STXBP5L: variants seen among roughly 807,000 people sequenced by gnomAD.
STXBP5L encodes syntaxin binding protein 5L.
Under a neutral mutation model 144.5 loss-of-function variants are expected in STXBP5L, and 65 were observed. The ratio of observed to expected loss-of-function variants is 0.45; its 90% CI spans 0.37 to 0.55. STXBP5L has a LOEUF of 0.55. STXBP5L is among the 20% of genes least tolerant of loss of function. The pLI is 0.00. For missense variants in STXBP5L, 1,298 were observed against 1,405.5 expected (o/e 0.92, Z 1.22); for synonymous variants, 505 against 469.6 (o/e 1.08, Z -0.97).
chr3:121,070,687 A>G (rs2041770856), intron 5 of STXBP5L, among the ~76,000 whole-genome samples: 1 of 152,130 alleles, frequency 6.6e-6, no homozygotes, highest in Non-Finnish European at 1.5e-5. Flanking sequence ...CACGACCCGA[A>G]TAATGGCTCT....
intron 7 of STXBP5L, among the ~76,000 whole-genome samples, chr3:121,135,551 CACAAGGAGCATGCAACCTA>C: frequency 6.6e-6 from 1 of 152,158 alleles, no homozygotes; most frequent in Non-Finnish European, 1.5e-5. Context: ...ATTAGATACT[CACAAGGAGCATGCAACCTA>C]GATCCCTTGC....
At chr3:121,020,266 G>A (rs1028296949) in intron 3 of STXBP5L, among the ~76,000 whole-genome samples, 1 of 152,124 alleles carries the variant, frequency 6.6e-6, no homozygotes, top group Non-Finnish European at 1.5e-5. Flanking sequence ...CGTTTGGGAT[G>A]TTAAATGGTC....
At chr3:121,051,538 C>T (rs4630876) in intron 5 of STXBP5L, among the ~76,000 whole-genome samples, 32,473 of 151,898 alleles carry the variant, frequency 0.21, 3,697 homozygotes, top group Non-Finnish European at 0.26. Context: ...TTGAAACCAA[C>T]GAAAACAAAG....
intron 18 of STXBP5L, among the ~76,000 whole-genome samples, chr3:121,273,336 C>T (rs907359129): frequency 5.3e-5 from 8 of 151,158 alleles, no homozygotes; most frequent in African/African-American, 1.9e-4. Flanking sequence ...AATAAATCAT[C>T]CCATTCTCTG....
At chr3:120,965,387 T>G (rs1426688803) in intron 3 of STXBP5L, among the ~76,000 whole-genome samples, 1 of 152,204 alleles carries the variant, frequency 6.6e-6, no homozygotes, top group Non-Finnish European at 1.5e-5. Context: ...GTCTTTATAA[T>G]TTGGCCTGTT....
intron 5 of STXBP5L, among the ~76,000 whole-genome samples, chr3:121,102,211 A>G (rs2043463473): frequency 6.6e-6 from 1 of 152,062 alleles, no homozygotes; most frequent in Non-Finnish European, 1.5e-5. Flanking sequence ...GAAAAAAACT[A>G]TTATAAATTC....
intron 15 of STXBP5L, among the ~76,000 whole-genome samples, chr3:121,253,620 C>T (rs1026151741): frequency 2.8e-4 from 41 of 147,382 alleles, no homozygotes; most frequent in African/African-American, 9.8e-4. Flanking sequence ...TGTATATATA[C>T]ACATAAATAT....
intron 22 of STXBP5L, among the ~76,000 whole-genome samples, chr3:121,405,531 T>G (rs2046977032): frequency 6.6e-6 from 1 of 152,124 alleles, no homozygotes; most frequent in African/African-American, 2.4e-5. Flanking sequence ...TCGGCAAGGC[T>G]GGTGATTTGG....
chr3:120,987,276 C>A (rs146311276), intron 3 of STXBP5L, among the ~76,000 whole-genome samples: 1 of 151,880 alleles, frequency 6.6e-6, no homozygotes, highest in Non-Finnish European at 1.5e-5. Context: ...ACATTATTAC[C>A]AGAATATTGT....
intron 8 of STXBP5L, among the ~76,000 whole-genome samples, chr3:121,153,874 A>G (rs1201513290): frequency 6.6e-6 from 1 of 151,954 alleles, no homozygotes. Context: ...GAGCTAAGCT[A>G]GGAGTTTCCT....
At chr3:121,119,001 A>C (rs2044345161) in intron 6 of STXBP5L, among the ~76,000 whole-genome samples, 1 of 151,546 alleles carries the variant, frequency 6.6e-6, no homozygotes, top group African/African-American at 2.4e-5. Context: ...ATCAGAATTT[A>C]CTGGGTTGTT....
In STXBP5L at chr3:121,152,540, C is replaced by G. The variant is rs1394401226; in HGVS notation, c.733C>G (p.Leu245Val). 3 of 1,606,980 alleles carry G rather than the reference C, an allele frequency of 1.9e-6. No homozygotes were observed. In the African/African-American group the frequency reaches 4.0e-5, roughly 22 times the overall value. The change falls in exon 8 of 27, where the codon CTG becomes GTG. Residue 245 changes from leucine to valine, a missense_variant. Transcript: ENST00000471454. ...FWDLKSKRAE[L>V]RVYYDEAIHS... ...GGACTTGAAATCTAAAAGAGCAGAA[C>G]TGAGAGTTTATTATGATGAGGTAAG...
At chr3:121,407,128 A>G (rs141912480) in intron 22 of STXBP5L, 115 bp from the exon 23 acceptor site, 22 of 1,279,814 alleles carry the variant, frequency 1.7e-5, no homozygotes, top group Middle Eastern at 2.0e-4. Flanking sequence ...ATTCATATAC[A>G]TTAGGGCAAT....
chr3:121,312,560 A>G lies in STXBP5L; in HGVS notation c.2111-5915A>G, dbSNP rs1183928042. Among the ~76,000 whole-genome samples the G allele has an allele frequency of 2.1e-5, 3 of 146,116 alleles. No individual in the cohort carries two copies. The Admixed American group carries it at 2.1e-4, about 10-fold the overall frequency. The stretch of plus-strand genomic sequence containing the variant: ...TAGTGGAGGGAAGGTCAGCAGATAA[A>G]CAAGTGAACAAAGGTCTCTGGTTTT... On this transcript the variant is annotated intron_variant, in intron 19 of 26. Transcript: ENST00000471454.
chr3:121,055,157 A>G (rs796532483), intron 5 of STXBP5L, among the ~76,000 whole-genome samples: 1 of 152,214 alleles, frequency 6.6e-6, no homozygotes, highest in Admixed American at 6.5e-5. Flanking sequence ...ATCTCTTAAG[A>G]AAGATACATA....
At chr3:121,266,547 T>C (rs1021763706) in intron 18 of STXBP5L, among the ~76,000 whole-genome samples, 7 of 152,110 alleles carry the variant, frequency 4.6e-5, no homozygotes, top group African/African-American at 1.7e-4. Flanking sequence ...CTGGGAGCAT[T>C]CCCTTTGAAA....
At chr3:120,961,959 T>C (rs1040314217) in intron 3 of STXBP5L, among the ~76,000 whole-genome samples, 1 of 152,212 alleles carries the variant, frequency 6.6e-6, no homozygotes, top group Non-Finnish European at 1.5e-5. Flanking sequence ...TTTTAATGAT[T>C]GCCATTCCAA....
chr3:121,279,329 C>T (rs2050977965), intron 18 of STXBP5L, among the ~76,000 whole-genome samples: 1 of 151,628 alleles, frequency 6.6e-6, no homozygotes, highest in East Asian at 1.9e-4. Context: ...AGTGTCAATG[C>T]CTTTGATATA....
intron 3 of STXBP5L, among the ~76,000 whole-genome samples, chr3:120,976,724 C>T (rs1018388470): frequency 7.9e-5 from 12 of 152,300 alleles, no homozygotes; most frequent in African/African-American, 2.9e-4. Flanking sequence ...GAATGTGTCC[C>T]AGTGTTTCTG....
Sources: gnomAD v4.1 joint callset for allele counts (sites outside exome capture counted in the v4.1 genomes callset) on GRCh38, gnomAD v4.1.1 for gene constraint, MANE v1.5 for transcripts, NCBI Gene and HGNC (gene_info 2026-07-23, HGNC 2026-07-21) for gene names.